Variants in SAMD5 observed in about 807,000 individuals in gnomAD.
The protein encoded by SAMD5 is sterile alpha motif domain containing 5, also known as sterile alpha motif domain-containing protein 5.
SAMD5 carries 13 observed loss-of-function variants against 11.3 expected under a neutral mutation model. The ratio of observed to expected loss-of-function variants is 1.15; its 90% confidence interval spans 0.75 to 1.83. SAMD5 has a LOEUF of 1.83. Among genes scored for constraint, SAMD5 ranks in the 40% most tolerant of loss-of-function variants. The probability of loss-of-function intolerance (pLI) is 0.00; values close to 1 mark genes in which losing one functional copy is unlikely to be tolerated. For missense variants in SAMD5, 255 were observed against 239.1 expected (o/e 1.07, Z -0.44); for synonymous variants, 129 against 111.3 (o/e 1.16, Z -1.00).
the SAMD5 span, among the ~76,000 whole-genome samples, chr6:147,834,317 A>G: frequency 6.6e-6 from 1 of 152,198 alleles, no homozygotes; most frequent in Admixed American, 6.5e-5. Context: ...GTGCATAGTC[A>G]GTCATATGAC....
At chr6:147,746,252 T>C in the SAMD5 span, among the ~76,000 whole-genome samples, 4 of 152,166 alleles carry the variant, frequency 2.6e-5, no homozygotes, top group Admixed American at 6.5e-5. Context: ...CCTCCCTTCC[T>C]CCTCTTTTGA....
At chr6:147,632,645 G>A (rs891751830) in intron 1 of SAMD5, among the ~76,000 whole-genome samples, 3 of 152,234 alleles carry the variant, frequency 2.0e-5, no homozygotes, top group East Asian at 3.8e-4. Context: ...GCCACAGGGC[G>A]TGGTCCCAGT....
At chr6:147,693,375 G>A (rs1228298930) in intron 1 of SAMD5, among the ~76,000 whole-genome samples, 3 of 152,198 alleles carry the variant, frequency 2.0e-5, no homozygotes, top group Non-Finnish European at 4.4e-5. Flanking sequence ...TCAGGACGCT[G>A]ACAGGGCTGC....
chr6:147,769,390 A>T, the SAMD5 span, among the ~76,000 whole-genome samples: 3 of 151,918 alleles, frequency 2.0e-5, no homozygotes, highest in Middle Eastern at 3.2e-3. Context: ...TTAAGCTTTT[A>T]TAAGGCATTT....
the SAMD5 span, among the ~76,000 whole-genome samples, chr6:147,774,092 T>A: frequency 5.9e-5 from 9 of 152,282 alleles, no homozygotes; most frequent in Admixed American, 5.9e-4. Context: ...TCCTCCCATC[T>A]TGGCCTCCCA....
chr6:147,688,045 T>C (rs1791043825), intron 1 of SAMD5, among the ~76,000 whole-genome samples: 1 of 152,162 alleles, frequency 6.6e-6, no homozygotes, highest in African/African-American at 2.4e-5. Context: ...GGGACTTTGA[T>C]TACATATATG....
the SAMD5 span, among the ~76,000 whole-genome samples, chr6:147,854,779 T>C: frequency 1.1e-4 from 16 of 152,158 alleles, no homozygotes; most frequent in African/African-American, 3.6e-4. Context: ...ATAACAAAGA[T>C]AGCATTTAAT....
At chr6:147,662,558 T>C (rs1200214287) in intron 1 of SAMD5, among the ~76,000 whole-genome samples, 1 of 152,218 alleles carries the variant, frequency 6.6e-6, no homozygotes, top group African/African-American at 2.4e-5. Context: ...GTGCAGTAAA[T>C]TGTTTAATAA....
the SAMD5 span, among the ~76,000 whole-genome samples, chr6:147,809,914 T>C: frequency 6.6e-6 from 1 of 152,208 alleles, no homozygotes; most frequent in South Asian, 2.1e-4. Context: ...CTACTCTGAT[T>C]AAGAACCAGT....
At chr6:147,825,895 G>A in the SAMD5 span, among the ~76,000 whole-genome samples, 1 of 152,146 alleles carries the variant, frequency 6.6e-6, no homozygotes. Context: ...CATTCACCAC[G>A]ATTATAACTT....
intron 1 of SAMD5, among the ~76,000 whole-genome samples, chr6:147,524,834 A>G (rs1054360359): frequency 1.3e-5 from 2 of 152,168 alleles, no homozygotes; most frequent in South Asian, 4.1e-4. Flanking sequence ...TATATTTATT[A>G]TCATTTGTGA....
the SAMD5 span, among the ~76,000 whole-genome samples, chr6:147,785,977 A>G: frequency 1.3e-5 from 2 of 152,178 alleles, no homozygotes; most frequent in Admixed American, 1.3e-4. Context: ...CGGTTCTTGC[A>G]GTGATGGTGA....
chr6:147,568,154 A>G lies in SAMD5; in HGVS notation c.*3698A>G. 1.0e-6 allele frequency: 1 copy of G among 985,308 alleles called. No individual in the cohort carries two copies. The highest frequency in any genetic ancestry group is 1.2e-6 in the Non-Finnish European group (1 of 829,850). The allele number at this position is 985,308 out of a possible 1,614,324, so 61.0% of individuals were successfully genotyped here. ...GAGTGCAAATGGGCTGTTCCCCGATAGCATCTTCTGGGAAGAATCCAACCA... is the reference window on the plus strand; with the variant it reads ...GAGTGCAAATGGGCTGTTCCCCGATGGCATCTTCTGGGAAGAATCCAACCA... On this transcript the variant is annotated 3_prime_UTR_variant, in exon 2 of 2. Coordinates refer to ENST00000367474, the MANE Select transcript of SAMD5 (RefSeq NM_001030060.3).
intron 1 of SAMD5, among the ~76,000 whole-genome samples, chr6:147,646,006 C>G (rs1790391001): frequency 8.0e-6 from 1 of 125,566 alleles, no homozygotes; most frequent in African/African-American, 3.3e-5. Flanking sequence ...ATCTGTCTGT[C>G]TGTCTATGTA....
chr6:147,743,486 G>C, the SAMD5 span, among the ~76,000 whole-genome samples: 3 of 150,270 alleles, frequency 2.0e-5, no homozygotes, highest in African/African-American at 4.9e-5. Flanking sequence ...CTGGGCAACA[G>C]AGCGAGACTC....
rs969230169 is a variant in SAMD5, at chr6:147,508,822, A to C, written c.-107A>C. On this transcript the variant is annotated 5_prime_UTR_variant, in exon 1 of 2. Coordinates refer to ENST00000367474, the MANE Select transcript of SAMD5 (RefSeq NM_001030060.3). ...CCTTTAAAAGGAAAACTTTACTGCG[A>C]TACCCTTTTCCCCTTGGAGGAGAGG... 2 of 1,464,862 alleles carry C rather than the reference A, an allele frequency of 1.4e-6. No individual in the cohort carries two copies. The highest frequency in any genetic ancestry group is 1.5e-5 in the African/African-American group (1 of 67,558). The allele number at this position is 1,464,862 out of a possible 1,614,324, so 90.7% of individuals were successfully genotyped here.
chr6:147,689,888 A>T (rs1413847194), intron 1 of SAMD5, among the ~76,000 whole-genome samples: 1 of 152,206 alleles, frequency 6.6e-6, no homozygotes, highest in Non-Finnish European at 1.5e-5. Context: ...TTAAAAAGTA[A>T]TTCTGTCTGG....
chr6:147,630,416 C>T (rs769953731), intron 1 of SAMD5, among the ~76,000 whole-genome samples: 3 of 152,154 alleles, frequency 2.0e-5, no homozygotes, highest in East Asian at 1.9e-4. Flanking sequence ...TTTGTCCAGA[C>T]GGCCTGAAGC....
At chr6:147,600,121 T>C (rs1383584603) in intron 1 of SAMD5, among the ~76,000 whole-genome samples, 2 of 152,164 alleles carry the variant, frequency 1.3e-5, no homozygotes, top group African/African-American at 4.8e-5. Context: ...CTCTTTGCAC[T>C]GTGGTCAGAA....
Sources: allele counts gnomAD v4.1 joint callset (sites outside exome capture counted in the v4.1 genomes callset), GRCh38; gene constraint gnomAD v4.1.1; transcripts MANE v1.5; gene names NCBI Gene and HGNC (gene_info 2026-07-23, HGNC 2026-07-21).